CCDC7: variants seen among roughly 807,000 people sequenced by gnomAD.
CCDC7 encodes coiled-coil domain-containing protein 7.
CCDC7 carries 183 observed loss-of-function variants against 196.9 expected under a neutral mutation model. The observed-to-expected ratio is 0.93, with a 90% confidence interval of 0.82 to 1.05. The LOEUF (loss-of-function observed/expected upper bound fraction) is 1.05. CCDC7 is among the 50% of genes least tolerant of loss of function. The probability of loss-of-function intolerance (pLI) is 0.00; values close to 1 mark genes in which losing one functional copy is unlikely to be tolerated. For missense variants in CCDC7, 1,540 were observed against 1,482.2 expected (o/e 1.04, Z -0.64); for synonymous variants, 525 against 484.6 (o/e 1.08, Z -1.10).
At chr10:32,758,387 A>G (rs1031639373) in intron 28 of CCDC7, among the ~76,000 whole-genome samples, 1 of 152,214 alleles carries the variant, frequency 6.6e-6, no homozygotes, top group Non-Finnish European at 1.5e-5. Flanking sequence ...CAGCACATCA[A>G]AAACTTATCC....
chr10:32,866,793 A>G (rs538968616), intron 41 of CCDC7, among the ~76,000 whole-genome samples: 1 of 151,884 alleles, frequency 6.6e-6, no homozygotes, highest in East Asian at 1.9e-4. Context: ...GGAACTAAGT[A>G]TCTGCCCCAA....
intron 28 of CCDC7, among the ~76,000 whole-genome samples, chr10:32,742,620 G>T (rs988116370): frequency 6.6e-6 from 1 of 152,108 alleles, no homozygotes; most frequent in Non-Finnish European, 1.5e-5. Flanking sequence ...TGCTCAGGCT[G>T]CCATAACAAA....
At chr10:32,447,337 T>C (rs1384453296), upstream of CCDC7, among the ~76,000 whole-genome samples, 1 of 152,196 alleles carries the variant, frequency 6.6e-6, no homozygotes, top group Non-Finnish European at 1.5e-5. Context: ...TTCTTTTCCT[T>C]GCTTTCTATG....
At chr10:32,514,987 G>A (rs999204459) in intron 9 of CCDC7, among the ~76,000 whole-genome samples, 2 of 152,064 alleles carry the variant, frequency 1.3e-5, no homozygotes, top group African/African-American at 4.8e-5. Flanking sequence ...ACCATGCCTG[G>A]CAATTAAAAA....
intron 25 of CCDC7, among the ~76,000 whole-genome samples, chr10:32,712,771 CT>C (rs2081034461): frequency 6.6e-6 from 1 of 152,182 alleles, no homozygotes; most frequent in Non-Finnish European, 1.5e-5. Context: ...GGACAACAGC[CT>C]CTGTAACTGT....
intron 21 of CCDC7, among the ~76,000 whole-genome samples, chr10:32,684,780 C>T (rs546555587): frequency 6.6e-6 from 1 of 152,148 alleles, no homozygotes; most frequent in East Asian, 1.9e-4. Context: ...GAAAAACAAA[C>T]CTACTGAAAA....
At chr10:32,581,604 G>C (rs1239524015) in intron 16 of CCDC7, among the ~76,000 whole-genome samples, 2 of 152,122 alleles carry the variant, frequency 1.3e-5, no homozygotes, top group African/African-American at 4.8e-5. Flanking sequence ...GAAGTATCAT[G>C]GTTGTTATGC....
intron 28 of CCDC7, among the ~76,000 whole-genome samples, chr10:32,747,049 A>ACC (rs547400283): frequency 6.6e-6 from 1 of 151,476 alleles, no homozygotes; most frequent in Non-Finnish European, 1.5e-5. Flanking sequence ...CTTTGCTGGG[A>ACC]CCCCCCCAAC....
chr10:32,699,476 C>A (rs2078280464), intron 24 of CCDC7, among the ~76,000 whole-genome samples: 1 of 148,818 alleles, frequency 6.7e-6, no homozygotes, highest in Non-Finnish European at 1.5e-5. Context: ...GGGTTGGTTC[C>A]AAGTCTTTGC....
chr10:32,548,106 T>G (rs527672017), intron 13 of CCDC7, among the ~76,000 whole-genome samples: 4 of 152,192 alleles, frequency 2.6e-5, no homozygotes, highest in Non-Finnish European at 2.9e-5. Context: ...CAAGGTAATT[T>G]TACTTCTATA....
intron 28 of CCDC7, among the ~76,000 whole-genome samples, chr10:32,767,252 TG>T (rs373977924): frequency 4.7e-4 from 72 of 152,112 alleles, no homozygotes; most frequent in African/African-American, 1.4e-3. Flanking sequence ...ATTAAATTTT[TG>T]TTTGGCCACT....
chr10:32,524,871 A>G (rs2048414508), intron 11 of CCDC7, among the ~76,000 whole-genome samples: 1 of 152,050 alleles, frequency 6.6e-6, no homozygotes, highest in South Asian at 2.1e-4. Flanking sequence ...TCTTTGGGTT[A>G]TATTTTCTTG....
chr10:32,735,315 C>T (rs2084677911), intron 28 of CCDC7, among the ~76,000 whole-genome samples: 1 of 152,110 alleles, frequency 6.6e-6, no homozygotes, highest in Admixed American at 6.6e-5. Context: ...TTTTGCATTC[C>T]TACCAGCAAT....
At chr10:32,689,267 G>C (rs937220645) in intron 23 of CCDC7, 104 bp downstream of exon 24, 1 of 680,530 alleles carries the variant, frequency 1.5e-6, no homozygotes, top group East Asian at 2.9e-5. Context: ...ACTAAAATGT[G>C]AATACCCTAC....
chr10:32,777,722 G>A (rs1467318891), intron 28 of CCDC7, among the ~76,000 whole-genome samples: 1 of 152,020 alleles, frequency 6.6e-6, no homozygotes, highest in Non-Finnish European at 1.5e-5. Flanking sequence ...AAATTAGCCA[G>A]GTATGGTGGC....
chr10:32,528,838 A>G (rs755581909), intron 11 of CCDC7, among the ~76,000 whole-genome samples: 22 of 150,350 alleles, frequency 1.5e-4, no homozygotes, highest in Middle Eastern at 7.0e-3. Context: ...TCATCGATTG[A>G]TGGGCATTTG....
chr10:32,765,744 T>A (rs974408256), intron 28 of CCDC7, among the ~76,000 whole-genome samples: 21 of 151,992 alleles, frequency 1.4e-4, no homozygotes, highest in African/African-American at 5.1e-4. Context: ...AAAATAACAG[T>A]GGATTATCAT....
intron 29 of CCDC7, among the ~76,000 whole-genome samples, chr10:32,791,715 A>G (rs1456222495): frequency 6.6e-6 from 1 of 152,056 alleles, no homozygotes; most frequent in Non-Finnish European, 1.5e-5. Context: ...GAAGAACACT[A>G]AAGGACTTAT....
chr10:32,582,944 A>C (rs926564111), intron 16 of CCDC7, 90 bp from the exon 18 acceptor site: 7 of 744,890 alleles, frequency 9.4e-6, no homozygotes, highest in Non-Finnish European at 1.3e-5. Context: ...TTACTTATTT[A>C]ATATCCTTAT....
Sources: allele counts gnomAD v4.1 joint callset (sites outside exome capture counted in the v4.1 genomes callset), GRCh38; gene constraint gnomAD v4.1.1; transcripts MANE v1.5; gene names NCBI Gene and HGNC (gene_info 2026-07-23, HGNC 2026-07-21).